The following SNTN variants were observed in gnomAD, a reference collection of about 807,000 sequenced individuals.
SNTN encodes the protein sentan, cilia apical structure protein.
A neutral mutation model predicts 12.3 loss-of-function variants in SNTN; 13 were observed. The observed-to-expected ratio is 1.05, with a 90% confidence interval of 0.69 to 1.67. The LOEUF is 1.67. Ranked by LOEUF, SNTN falls within the 40% of genes most tolerant of loss-of-function variation. The probability of loss-of-function intolerance (pLI) is 0.00; values close to 1 mark genes in which losing one functional copy is unlikely to be tolerated. For missense variants in SNTN, 189 were observed against 169.8 expected (o/e 1.11, Z -0.63); for synonymous variants, 69 against 58.5 (o/e 1.18, Z -0.82).
rs199694342 is a variant in SNTN, at chr3:63,659,820, A to G, written c.241A>G (p.Ile81Val). 1.2e-4 allele frequency: 186 copies of G among 1,614,028 alleles called. No homozygotes were observed. In the East Asian group the frequency reaches 3.7e-3, roughly 32 times the overall value. Residue 81 changes from isoleucine (I) to valine (V), a missense_variant, in exon 3 of 4, where the codon ATT (isoleucine) becomes GTT (valine). By Grantham distance (29) the Ile-to-Val change is conservative. Coordinates refer to ENST00000343837, the MANE Select transcript of SNTN (RefSeq NM_001080537.2). ...SDSDGKLEKA[I>V]AKDLLQTQFR... is the part of the protein sequence containing the mutation. ...CTCTGATGGTAAACTTGAAAAAGCT[A>G]TTGCCAAAGATCTGCTGCAAACCCA...
chr3:63,655,189 T>C (rs1172130446), intron 2 of SNTN, among the ~76,000 whole-genome samples: 20 of 152,182 alleles, frequency 1.3e-4, no homozygotes. Context: ...CTCTGTTGAC[T>C]GAGTGGAAAC....
At chr3:63,654,541 A>T (rs1700654691) in intron 1 of SNTN, among the ~76,000 whole-genome samples, 1 of 152,218 alleles carries the variant, frequency 6.6e-6, no homozygotes, top group Admixed American at 6.5e-5. Flanking sequence ...ACTACAAGGA[A>T]GACTGATATA....
rs1026217217 is a variant in SNTN at position 63,664,742 on chromosome 3, T to C, written c.*647T>C. The C allele has an allele frequency of 1.4e-5, 2 of 146,518 alleles. No homozygotes were observed. The highest frequency in any genetic ancestry group is 5.4e-5 in the African/African-American group (2 of 36,906). 9.1% of individuals were successfully genotyped at this position (146,518 alleles called of 1,614,324 possible). ...GCACAAGGGGAGTTTTTTATTTTAT[T>C]TTATTTTATTTTATTTTATTTTATT... On this transcript the variant is annotated 3_prime_UTR_variant, in exon 4 of 4. Transcript: ENST00000343837.
chr3:63,659,209 A>T (rs752623232), intron 2 of SNTN, among the ~76,000 whole-genome samples: 2 of 152,178 alleles, frequency 1.3e-5, no homozygotes, highest in Non-Finnish European at 2.9e-5. Context: ...ACTCTGTTTT[A>T]GGCCACGAGT....
In SNTN at chr3:63,664,039, A is replaced by C; in HGVS notation, c.388A>C (p.Ile130Leu). 1 of 1,613,962 alleles carries C rather than the reference A, an allele frequency of 6.2e-7. No individual in the cohort carries two copies. Among genetic ancestry groups the C allele is most frequent in the Non-Finnish European group, 8.5e-7 (1 of 1,179,962 alleles). ...FEDFMILLLSITVMSDLLQNI... is the reference protein window; with the variant it reads ...FEDFMILLLSLTVMSDLLQNI... Reference sequence around the variant, plus strand: ...AGACTTCATGATCTTGCTCTTAAGCATCACTGTCATGTCAGATCTGCTACA... The same window carrying C: ...AGACTTCATGATCTTGCTCTTAAGCCTCACTGTCATGTCAGATCTGCTACA... The change falls in exon 4 of 4, where the codon ATC becomes CTC. Residue 130 changes from isoleucine (I) to leucine (L), a missense_variant. Transcript: ENST00000343837.
At chr3:63,659,621 G>T in intron 2 of SNTN, 104 bp from the exon 3 acceptor site, 1 of 1,389,752 alleles carries the variant, frequency 7.2e-7, no homozygotes, top group Admixed American at 2.1e-5. Context: ...AAAGGGCCAA[G>T]ATTTAGAAGG....
chr3:63,659,685 C>A lies in SNTN; in HGVS notation c.146-40C>A, dbSNP rs1457749508. The A allele has an allele frequency of 3.1e-6, 5 of 1,611,358 alleles. No homozygotes were observed. The Admixed American group carries it at 8.4e-5, about 27-fold the overall frequency. On this transcript the variant is annotated intron_variant, in intron 2 of 3. Transcript: ENST00000343837. ...CAGCAGGTCTGGGGAAGGGTTATTT[C>A]TAACTCAGGATACTTTATTCCACAT...
chr3:63,652,776 C>T lies in SNTN; in HGVS notation c.89C>T (p.Ala30Val), dbSNP rs778979033. ...TCTGCAGCCCCAACATCCACCTGCG[C>T]ACCTAGGAAAATGCCCAAAAGGTCA... ...NPSAAPTSTC[A>V]PRKMPKRISI... Residue 30 changes from alanine to valine, a missense_variant, in exon 1 of 4, where the codon GCA becomes GTA. Coordinates refer to ENST00000343837, the MANE Select transcript of SNTN (RefSeq NM_001080537.2). The T allele has an allele frequency of 6.2e-7, 1 of 1,614,058 alleles. No homozygotes were observed.
chr3:63,660,782 C>T (rs895025578), intron 3 of SNTN, among the ~76,000 whole-genome samples: 5 of 152,056 alleles, frequency 3.3e-5, no homozygotes, highest in Admixed American at 1.3e-4. Context: ...TTTAGATGTC[C>T]ATGAAATATT....
At position 63,652,913 on chromosome 3, in the gene SNTN, C is replaced by T. The variant is rs1700636175; in HGVS notation, c.110+116C>T. 2.5e-5 allele frequency: 21 copies of T among 847,152 alleles called. No homozygotes were observed. In the South Asian group the frequency reaches 3.1e-4, roughly 12 times the overall value. 52.5% of individuals were successfully genotyped at this position (847,152 alleles called of 1,614,324 possible). A position where few individuals can be genotyped will look rare whatever the true frequency, so the allele number is the denominator to read the frequency against. On this transcript the variant is annotated intron_variant, in intron 1 of 3. Coordinates refer to ENST00000343837, the MANE Select transcript of SNTN (RefSeq NM_001080537.2). ...GTTATTGCCAGTTTGGTGCCTATTACCTACCCTAATCCGGCTTTAAATTGA... is the reference window on the plus strand; with the variant it reads ...GTTATTGCCAGTTTGGTGCCTATTATCTACCCTAATCCGGCTTTAAATTGA...
chr3:63,661,958 G>A (rs536120950), intron 3 of SNTN, among the ~76,000 whole-genome samples: 38 of 152,156 alleles, frequency 2.5e-4, no homozygotes, highest in African/African-American at 8.2e-4. Context: ...ATTAAAAACC[G>A]GTCCTTAGGA....
At chr3:63,661,830 A>G (rs1188990227) in intron 3 of SNTN, among the ~76,000 whole-genome samples, 2 of 152,188 alleles carry the variant, frequency 1.3e-5, no homozygotes, top group Non-Finnish European at 2.9e-5. Context: ...AAGGGGGCTC[A>G]TTACCTGGTA....
intron 2 of SNTN, among the ~76,000 whole-genome samples, chr3:63,655,276 A>C (rs1700665066): frequency 6.6e-6 from 1 of 152,216 alleles, no homozygotes; most frequent in Non-Finnish European, 1.5e-5. Flanking sequence ...TGGGACTAAC[A>C]ACATTGCCAT....
rs754744852 is a variant in SNTN at position 63,665,174 on chromosome 3, T to C, written c.*1079T>C. ...ACTGAAAAGAGTGAATTGTACTGTA[T>C]GTCAATTATACCTAAATAAATCTGA... On this transcript the variant is annotated 3_prime_UTR_variant, in exon 4 of 4. Transcript: ENST00000343837. 6.6e-6 allele frequency among the ~76,000 whole-genome samples: 1 copy of C among 152,218 alleles called. No homozygotes were observed. Among genetic ancestry groups the C allele is most frequent in the Non-Finnish European group, 1.5e-5 (1 of 68,044 alleles).
At chr3:63,653,275 C>T (rs1474594017) in intron 1 of SNTN, among the ~76,000 whole-genome samples, 1 of 152,100 alleles carries the variant, frequency 6.6e-6, no homozygotes, top group Non-Finnish European at 1.5e-5. Context: ...ATATGAACTG[C>T]ATGATTCTTT....
intron 3 of SNTN, among the ~76,000 whole-genome samples, chr3:63,661,364 C>T (rs1462470750): frequency 6.6e-6 from 1 of 152,142 alleles, no homozygotes; most frequent in Non-Finnish European, 1.5e-5. Context: ...ATATTATTCT[C>T]TCTATATATG....
At position 63,659,751 on chromosome 3, in the gene SNTN, A is replaced by G. The variant is rs1700721347; in HGVS notation, c.172A>G (p.Lys58Glu). The change falls in exon 3 of 4, where the codon AAA becomes GAA. Residue 58 changes from lysine (K) to glutamate (E), a missense_variant. Coordinates refer to ENST00000343837, the MANE Select transcript of SNTN (RefSeq NM_001080537.2). Reference protein sequence around the residue: ...KALRKCSDLEKAIATTALIFR... With the variant: ...KALRKCSDLEEAIATTALIFR... Reference sequence around the variant, plus strand: ...TCTGAGGAAGTGCTCAGATCTGGAAAAAGCTATTGCCACCACTGCTCTGAT... The same window carrying G: ...TCTGAGGAAGTGCTCAGATCTGGAAGAAGCTATTGCCACCACTGCTCTGAT... The G allele has an allele frequency of 6.2e-7, 1 of 1,613,890 alleles. No homozygotes were observed. The highest frequency in any genetic ancestry group is 1.1e-5 in the South Asian group (1 of 91,084).
intron 2 of SNTN, among the ~76,000 whole-genome samples, chr3:63,657,691 C>A (rs17069221): frequency 0.079 from 12,098 of 152,222 alleles, 675 homozygotes; most frequent in South Asian, 0.16. Flanking sequence ...TTTCAGAGTG[C>A]AGTCAGACCT....
rs891786233 is a variant in SNTN, at chr3:63,664,992, G to T, written c.*897G>T. On this transcript the variant is annotated 3_prime_UTR_variant, in exon 4 of 4. Transcript: ENST00000343837. The stretch of plus-strand genomic sequence containing the variant: ...GCTGGTCTCGAACTCCTGACCTCAG[G>T]TGATCCGCCCACAGCCTCCCAAAGT... 1.3e-5 allele frequency among the ~76,000 whole-genome samples: 2 copies of T among 152,058 alleles called. No homozygotes were observed. Among genetic ancestry groups the T allele is most frequent in the South Asian group, 2.1e-4 (1 of 4,810 alleles).
Sources: allele counts gnomAD v4.1 joint callset (sites outside exome capture counted in the v4.1 genomes callset), GRCh38; gene constraint gnomAD v4.1.1; transcripts MANE v1.5; gene names NCBI Gene and HGNC (gene_info 2026-07-23, HGNC 2026-07-21).